The following ATP6V0A4 variants were observed in gnomAD, a reference collection of about 807,000 sequenced individuals.
The protein encoded by ATP6V0A4 is V-type proton ATPase 116 kDa subunit a 4.
In ATP6V0A4, 86 loss-of-function variants were observed where a neutral mutation model predicts 107.3. The ratio of observed to expected loss-of-function variants is 0.80; its 90% confidence interval spans 0.67 to 0.96. The LOEUF (loss-of-function observed/expected upper bound fraction) is 0.96, where lower values mean the gene tolerates loss of function less well. Ranked by LOEUF, ATP6V0A4 falls within the 40% of genes least tolerant of loss-of-function variation. The probability of loss-of-function intolerance (pLI) is 0.00; values close to 1 mark genes in which losing one functional copy is unlikely to be tolerated. For missense variants in ATP6V0A4, 908 were observed against 1,045.6 expected (o/e 0.87, Z 1.81); for synonymous variants, 353 against 381.4 (o/e 0.93, Z 0.87).
rs778947921 is a variant in ATP6V0A4, at chr7:138,728,811, T to C, written c.1960A>G (p.Met654Val). 1.2e-6 allele frequency: 2 copies of C among 1,614,162 alleles called. No individual in the cohort carries two copies. Among genetic ancestry groups the C allele is most frequent in the East Asian group, 2.2e-5 (1 of 44,878 alleles). The part of the protein sequence containing the change: ...VVMALISVPW[M>V]LLIKPFILRA... The stretch of plus-strand genomic sequence containing the variant: ...AGAATAAACGGCTTAATCAGAAGCA[T>C]CCACGGCACAGAAATCAAAGCCATA... Residue 654 changes from methionine (M) to valine (V), a missense_variant, in exon 18 of 22, where the codon ATG (methionine) becomes GTG (valine). Physicochemically the swap from Met to Val is conservative, Grantham distance 21. Coordinates refer to ENST00000310018, the MANE Select transcript of ATP6V0A4 (RefSeq NM_020632.3).
chr7:138,707,639 T>G (rs541929472), intron 21 of ATP6V0A4, among the ~76,000 whole-genome samples: 27 of 150,934 alleles, frequency 1.8e-4, no homozygotes, highest in African/African-American at 6.3e-4. Context: ...TGACCTCAGG[T>G]GATCCACACA....
At chr7:138,721,530 T>A (rs1226358102) in intron 19 of ATP6V0A4, among the ~76,000 whole-genome samples, 1 of 152,038 alleles carries the variant, frequency 6.6e-6, no homozygotes, top group East Asian at 1.9e-4. Flanking sequence ...TGAGACTCTA[T>A]CTCAAAAACA....
In ATP6V0A4 at chr7:138,754,684, G is replaced by A. The variant is rs192117921; in HGVS notation, c.816+1005C>T. Among the ~76,000 whole-genome samples, 160 of 151,896 alleles carry A rather than the reference G, an allele frequency of 1.1e-3. 1 individual carries two copies. Among genetic ancestry groups the A allele is most frequent in the African/African-American group, 3.6e-3 (149 of 41,480 alleles). On this transcript the variant is annotated intron_variant, in intron 10 of 21. Coordinates refer to ENST00000310018, the MANE Select transcript of ATP6V0A4 (RefSeq NM_020632.3). ...GTTGCCCAGGCTGGAGTGCAGTGGC[G>A]CGATCTCGGCTCCCTGAAACCTTTG...
chr7:138,759,758 A>G lies in ATP6V0A4; in HGVS notation c.633T>C (p.Pro211=), dbSNP rs1439360029. Residue 211 remains proline, a synonymous_variant, in exon 8 of 22, where the codon CCT becomes CCC. Transcript: ENST00000310018. ...TGCAGCCCAAGGTTCCCACCGTCACAGGATCCTCCAGAGGGGCGTCCATCT... is the reference window on the plus strand; with the variant it reads ...TGCAGCCCAAGGTTCCCACCGTCACGGGATCCTCCAGAGGGGCGTCCATCT... ...FSEMDAPLED[P]VTKEEIQKNI... 2 of 1,614,192 alleles carry G rather than the reference A, an allele frequency of 1.2e-6. No individual in the cohort carries two copies. The highest frequency in any genetic ancestry group is 1.7e-5 in the Admixed American group (1 of 60,024).
chr7:138,711,641 CAG>C (rs1423060666), intron 20 of ATP6V0A4, among the ~76,000 whole-genome samples: 1 of 152,168 alleles, frequency 6.6e-6, no homozygotes, highest in African/African-American at 2.4e-5. Context: ...TACAGTGATG[CAG>C]AGTCTTTCAT....
chr7:138,707,401 T>TATA (rs1803501802), intron 21 of ATP6V0A4, among the ~76,000 whole-genome samples: 1 of 110,016 alleles, frequency 9.1e-6, no homozygotes, highest in African/African-American at 3.6e-5. Flanking sequence ...ATAAATATAT[T>TATA]ATATATATAT....
chr7:138,785,735 ACACACACG>A (rs942261205), intron 2 of ATP6V0A4, among the ~76,000 whole-genome samples: 2 of 152,130 alleles, frequency 1.3e-5, no homozygotes, highest in African/African-American at 4.8e-5. Flanking sequence ...CATTGTATGC[ACACACACG>A]CACACACACA....
At chr7:138,792,262 C>T (rs935146959) in intron 1 of ATP6V0A4, among the ~76,000 whole-genome samples, 6 of 152,098 alleles carry the variant, frequency 3.9e-5, no homozygotes, top group East Asian at 1.9e-4. Flanking sequence ...GCCGAGATAG[C>T]GCCACTGCAC....
intron 2 of ATP6V0A4, among the ~76,000 whole-genome samples, chr7:138,780,474 A>G (rs1807869643): frequency 6.6e-6 from 1 of 152,116 alleles, no homozygotes; most frequent in Non-Finnish European, 1.5e-5. Context: ...TGGACCCCCC[A>G]GTACCATAGC....
intron 19 of ATP6V0A4, among the ~76,000 whole-genome samples, chr7:138,717,349 C>T (rs544142070): frequency 7.3e-5 from 11 of 151,214 alleles, no homozygotes; most frequent in Admixed American, 7.2e-4. Flanking sequence ...AGATCGAGAC[C>T]ATCCTGGCGA....
rs398006555 is a variant in ATP6V0A4 at position 138,758,739 on chromosome 7, ATTTTTTTTTT to A, written c.639+1003_639+1012del. Among the ~76,000 whole-genome samples, 12 of 59,206 alleles carry A rather than the reference ATTTTTTTTTT, an allele frequency of 2.0e-4. No homozygotes were observed. In the East Asian group the frequency reaches 4.9e-3, roughly 24 times the overall value. The allele number at this position is 59,206 out of a possible 152,430, so 38.8% of individuals were successfully genotyped here. On this transcript the variant is annotated intron_variant, in intron 8 of 21. Coordinates refer to ENST00000310018, the MANE Select transcript of ATP6V0A4 (RefSeq NM_020632.3). ...CCCCACTCAGACCCACTGACTCAGAATTTTTTTTTTTTTTTTTTTTTTTTTTTTTTTGAGG... is the reference window on the plus strand; with the variant it reads ...CCCCACTCAGACCCACTGACTCAGAATTTTTTTTTTTTTTTTTTTTTGAGG...
At chr7:138,769,923 A>G (rs1428897974) in intron 3 of ATP6V0A4, among the ~76,000 whole-genome samples, 1 of 152,072 alleles carries the variant, frequency 6.6e-6, no homozygotes, top group Non-Finnish European at 1.5e-5. Context: ...ACAAAAAATT[A>G]CAAAATTAAC....
chr7:138,709,707 A>T lies in ATP6V0A4; in HGVS notation c.2346T>A (p.Phe782Leu). ...CTACTGTCAGGACAGCAAATACGGC[A>T]AAAATAATAAAAACCCCGACGATTC... ...WGGIVGVFII[F>L]AVFAVLTVAI... The change falls in exon 21 of 22, where the codon TTT becomes TTA. Residue 782 changes from phenylalanine (F) to leucine (L), a missense_variant. By Grantham distance (22) the Phe-to-Leu change is conservative. Transcript: ENST00000310018. 2 of 1,613,924 alleles carry T rather than the reference A, an allele frequency of 1.2e-6. No individual in the cohort carries two copies. The highest frequency in any genetic ancestry group is 1.7e-6 in the Non-Finnish European group (2 of 1,179,944).
intron 3 of ATP6V0A4, among the ~76,000 whole-genome samples, chr7:138,770,411 A>T (rs1329251348): frequency 1.3e-5 from 2 of 152,182 alleles, no homozygotes; most frequent in Non-Finnish European, 2.9e-5. Flanking sequence ...AGCTCCATGT[A>T]ACGTATCACA....
intron 18 of ATP6V0A4, among the ~76,000 whole-genome samples, chr7:138,724,557 A>G (rs1262664578): frequency 2.0e-5 from 3 of 152,186 alleles, no homozygotes; most frequent in African/African-American, 7.2e-5. Context: ...CCATCTAGAC[A>G]AGAGTCCAGG....
rs115541334 is a variant in ATP6V0A4 at position 138,756,364 on chromosome 7, C to A, written c.722+94G>T. The A allele has an allele frequency of 6.4e-5, 102 of 1,595,408 alleles. No individual in the cohort carries two copies. In the African/African-American group the frequency reaches 1.1e-3, roughly 17 times the overall value. ...AGTTATTCTAAAGCCTTACTGACCT[C>A]TAGAAGCCACAGTCATGTGCATTTG... On this transcript the variant is annotated intron_variant, in intron 9 of 21. Transcript: ENST00000310018.
intron 2 of ATP6V0A4, among the ~76,000 whole-genome samples, chr7:138,778,428 TTA>T (rs56126323): frequency 0.75 from 111,518 of 147,858 alleles, 44,048 homozygotes; most frequent in Non-Finnish European, 0.89. Context: ...ACATCTCATT[TTA>T]TATATATATA....
chr7:138,768,044 G>A (rs1584938962), intron 5 of ATP6V0A4, among the ~76,000 whole-genome samples: 2 of 151,950 alleles, frequency 1.3e-5, no homozygotes, highest in Admixed American at 1.3e-4. Context: ...AGCGATTCTC[G>A]TGCCTCAGCC....
intron 8 of ATP6V0A4, 94 bp from the exon 9 acceptor site, chr7:138,756,634 C>T (rs746897968): frequency 3.2e-5 from 47 of 1,469,930 alleles, no homozygotes; most frequent in Non-Finnish European, 4.2e-5. Flanking sequence ...TTTAGGCTTA[C>T]ACAATTCATA....
Sources: gnomAD v4.1 joint callset for allele counts (sites outside exome capture counted in the v4.1 genomes callset) on GRCh38, gnomAD v4.1.1 for gene constraint, MANE v1.5 for transcripts, NCBI Gene and HGNC (gene_info 2026-07-23, HGNC 2026-07-21) for gene names.